The following CAMTA1 variants were observed in gnomAD, a reference collection of about 807,000 sequenced individuals.
CAMTA1 encodes the protein calmodulin binding transcription activator 1.
In CAMTA1, 27 loss-of-function variants were observed where a neutral mutation model predicts 170.9. That is an observed-to-expected ratio of 0.16 (90% confidence interval 0.12 to 0.22). The LOEUF (loss-of-function observed/expected upper bound fraction) is 0.22, where lower values mean the gene tolerates loss of function less well. Among genes scored for constraint, CAMTA1 ranks in the 10% least tolerant of loss-of-function variants. The pLI, the probability that CAMTA1 is intolerant of heterozygous loss-of-function variation, is 1.00. For synonymous variants in CAMTA1, 833 were observed against 891.5 expected (o/e 0.93, Z 1.17); for missense variants, 1,619 against 2,217.2 (o/e 0.73, Z 5.42).
rs1479699859 is a variant in CAMTA1, at chr1:7,031,068, T to C, written c.235-60236T>C. ...TCACCGTTGTTAGCCAGGATGGTCT[T>C]GATCTCCTGACCTCGTGATCCACCT... On this transcript the variant is annotated intron_variant, in intron 3 of 22. Transcript: ENST00000303635. 3.3e-5 allele frequency among the ~76,000 whole-genome samples: 5 copies of C among 150,348 alleles called. No individual in the cohort carries two copies. The East Asian group carries it at 9.7e-4, about 29-fold the overall frequency.
At chr1:6,856,252 T>G (rs1662310584) in intron 3 of CAMTA1, among the ~76,000 whole-genome samples, 1 of 149,754 alleles carries the variant, frequency 6.7e-6, no homozygotes, top group South Asian at 2.1e-4. Flanking sequence ...GCTGTATATA[T>G]CAAGATGGCC....
intron 11 of CAMTA1, chr1:7,700,671 T>G (rs1380247323): frequency 6.6e-6 from 1 of 152,132 alleles, no homozygotes; most frequent in African/African-American, 2.4e-5. Flanking sequence ...GGAAAGAATG[T>G]GTTGGGCAGG....
chr1:6,999,229 G>C (rs1697808134), intron 3 of CAMTA1, among the ~76,000 whole-genome samples: 1 of 152,140 alleles, frequency 6.6e-6, no homozygotes, highest in African/African-American at 2.4e-5. Flanking sequence ...TATAAACATA[G>C]GGTTTGTCTT....
At chr1:7,037,917 A>T (rs868300949) in intron 3 of CAMTA1, among the ~76,000 whole-genome samples, 1,628 of 143,108 alleles carry the variant, frequency 0.011, 10 homozygotes, top group Non-Finnish European at 0.018. Context: ...TTTGATCTTT[A>T]TTTTTTTTTT....
chr1:7,348,807 C>T (rs1310860701), intron 5 of CAMTA1, among the ~76,000 whole-genome samples: 2 of 152,166 alleles, frequency 1.3e-5, no homozygotes, highest in African/African-American at 4.8e-5. Flanking sequence ...GAGATGGGGC[C>T]ACCCACGTTC....
At chr1:7,194,088 T>A (rs1655066719) in intron 4 of CAMTA1, among the ~76,000 whole-genome samples, 1 of 152,240 alleles carries the variant, frequency 6.6e-6, no homozygotes, top group Admixed American at 6.5e-5. Flanking sequence ...AAAGGATGCA[T>A]ATTAAAAGAA....
intron 3 of CAMTA1, among the ~76,000 whole-genome samples, chr1:6,969,115 G>T (rs1692082946): frequency 6.6e-6 from 1 of 152,182 alleles, no homozygotes; most frequent in Non-Finnish European, 1.5e-5. Flanking sequence ...GATACATAGG[G>T]GTCCTTGCTT....
chr1:7,605,492 G>C (rs571889865), intron 6 of CAMTA1, among the ~76,000 whole-genome samples: 8 of 152,362 alleles, frequency 5.3e-5, no homozygotes, highest in Non-Finnish European at 8.8e-5. Flanking sequence ...CCATGTGTGG[G>C]ATATAATCTC....
chr1:6,956,355 T>TA (rs1265586265), intron 3 of CAMTA1, among the ~76,000 whole-genome samples: 1 of 152,220 alleles, frequency 6.6e-6, no homozygotes, highest in African/African-American at 2.4e-5. Flanking sequence ...GTGGGCTTTC[T>TA]GGAGAGCTCT....
At position 6,993,424 on chromosome 1, in the gene CAMTA1, G is replaced by A. The variant is rs1374291471; in HGVS notation, c.235-97880G>A. On this transcript the variant is annotated intron_variant, in intron 3 of 22. Coordinates refer to ENST00000303635, the MANE Select transcript of CAMTA1 (RefSeq NM_015215.4). Reference sequence around the variant, plus strand: ...GTGGAGATTTTGCACATCTTTTCCTGAATTTATTCCTAGGCATTTTATGAT... The same window carrying A: ...GTGGAGATTTTGCACATCTTTTCCTAAATTTATTCCTAGGCATTTTATGAT... Among the ~76,000 whole-genome samples the A allele has an allele frequency of 9.9e-5, 15 of 151,964 alleles. 1 individual carries two copies. The highest frequency in any genetic ancestry group is 9.8e-4 in the Admixed American group (15 of 15,246).
intron 3 of CAMTA1, among the ~76,000 whole-genome samples, chr1:6,940,942 A>G (rs1431304523): frequency 2.5e-3 from 5 of 2,002 alleles, no homozygotes; most frequent in Admixed American, 0.02. Flanking sequence ...GGGGATCCTC[A>G]GGGGGAGGGG....
At chr1:7,335,498 C>T (rs919517596) in intron 5 of CAMTA1, among the ~76,000 whole-genome samples, 4 of 152,146 alleles carry the variant, frequency 2.6e-5, no homozygotes, top group African/African-American at 9.7e-5. Flanking sequence ...GCCAACTTCC[C>T]GCCTGATGCC....
chr1:7,704,814 G>C (rs1447537809), intron 11 of CAMTA1, among the ~76,000 whole-genome samples: 1 of 146,712 alleles, frequency 6.8e-6, no homozygotes, highest in Non-Finnish European at 1.5e-5. Context: ...CGGGCCGGGC[G>C]GGGCCGGGCG....
chr1:6,916,764 C>A (rs369032816), intron 3 of CAMTA1, among the ~76,000 whole-genome samples: 2 of 152,126 alleles, frequency 1.3e-5, no homozygotes, highest in Admixed American at 6.5e-5. Context: ...ACAGTAGATA[C>A]GTTTTCTGCT....
chr1:7,620,223 C>T (rs2095588356), intron 6 of CAMTA1, among the ~76,000 whole-genome samples: 2 of 152,200 alleles, frequency 1.3e-5, no homozygotes, highest in African/African-American at 4.8e-5. Context: ...TTGGCAATGT[C>T]TGAAGACAAT....
intron 6 of CAMTA1, among the ~76,000 whole-genome samples, chr1:7,493,323 C>T (rs1250949564): frequency 3.6e-4 from 51 of 140,642 alleles, no homozygotes; most frequent in Non-Finnish European, 6.6e-4. Context: ...ACAAACAAAC[C>T]TACGTACACA....
intron 6 of CAMTA1, among the ~76,000 whole-genome samples, chr1:7,512,237 G>A (rs1575728025): frequency 6.6e-6 from 1 of 152,198 alleles, no homozygotes; most frequent in East Asian, 1.9e-4. Context: ...TTGCATCAGG[G>A]GCAAGGAGAT....
At chr1:7,499,179 T>TGA (rs1329722220) in intron 6 of CAMTA1, among the ~76,000 whole-genome samples, 1 of 1,978 alleles carries the variant, frequency 5.1e-4, no homozygotes, top group South Asian at 0.031. Context: ...TGTGTGTCCA[T>TGA]GAGTGTGCAG....
At chr1:6,952,877 A>C (rs1688745266) in intron 3 of CAMTA1, among the ~76,000 whole-genome samples, 1 of 152,132 alleles carries the variant, frequency 6.6e-6, no homozygotes, top group Non-Finnish European at 1.5e-5. Context: ...AATTGCAGGG[A>C]ACTTGGAACA....
Sources: allele counts gnomAD v4.1 joint callset (sites outside exome capture counted in the v4.1 genomes callset), GRCh38; gene constraint gnomAD v4.1.1; transcripts MANE v1.5; gene names NCBI Gene and HGNC (gene_info 2026-07-23, HGNC 2026-07-21).